Variants in ACTR3C observed in about 807,000 individuals in gnomAD.
ACTR3C encodes actin related protein 3C.
ACTR3C carries 18 observed loss-of-function variants against 26.3 expected under a neutral mutation model. That is an observed-to-expected ratio of 0.68 (90% CI 0.47 to 1.01). The LOEUF is 1.01. ACTR3C is among the 50% of genes least tolerant of loss of function. The pLI, the probability that ACTR3C is intolerant of heterozygous loss-of-function variation, is 0.00. For synonymous variants in ACTR3C, 55 were observed against 94.5 expected (o/e 0.58, Z 2.42); for missense variants, 184 against 250.7 (o/e 0.73, Z 1.80).
the ACTR3C span, among the ~76,000 whole-genome samples, chr7:150,092,411 G>A: frequency 6.6e-6 from 1 of 151,504 alleles, no homozygotes; most frequent in Non-Finnish European, 1.5e-5. Flanking sequence ...CCAGAGCTGA[G>A]AGCTGCCCAC....
At chr7:150,065,621 G>T in the ACTR3C span, among the ~76,000 whole-genome samples, 6 of 152,044 alleles carry the variant, frequency 3.9e-5, no homozygotes, top group African/African-American at 1.2e-4. Flanking sequence ...TAAAGAGGTT[G>T]CTGGGTTCAG....
chr7:150,098,805 G>A, the ACTR3C span, among the ~76,000 whole-genome samples: 3 of 151,730 alleles, frequency 2.0e-5, no homozygotes, highest in Non-Finnish European at 4.4e-5. Flanking sequence ...CCAGGAATGA[G>A]GAAACAATCG....
At chr7:150,314,581 T>A (rs1258946124) in intron 1 of ACTR3C, among the ~76,000 whole-genome samples, 1 of 151,998 alleles carries the variant, frequency 6.6e-6, no homozygotes, top group Non-Finnish European at 1.5e-5. Context: ...CTTTGAGGTG[T>A]TTTTTGTGGG....
At chr7:150,276,560 A>G (rs4015672) in intron 6 of ACTR3C, among the ~76,000 whole-genome samples, 2 of 152,262 alleles carry the variant, frequency 1.3e-5, no homozygotes, top group South Asian at 2.1e-4. Context: ...GATACCCAAC[A>G]GTGTCCTAGG....
the ACTR3C span, among the ~76,000 whole-genome samples, chr7:150,142,606 G>A: frequency 1.3e-5 from 2 of 152,082 alleles, no homozygotes; most frequent in Non-Finnish European, 2.9e-5. Flanking sequence ...TCAGCTCACT[G>A]CAACCTCCGC....
the ACTR3C span, among the ~76,000 whole-genome samples, chr7:149,995,641 A>T: frequency 6.6e-6 from 1 of 152,244 alleles, no homozygotes; most frequent in Non-Finnish European, 1.5e-5. Context: ...TCTGAACTGG[A>T]AATTACAGAG....
chr7:150,211,571 A>G, the ACTR3C span, among the ~76,000 whole-genome samples: 24,831 of 140,936 alleles, frequency 0.18, 3,901 homozygotes, highest in African/African-American at 0.39. Context: ...GTGAACCACC[A>G]TGCCCGGCCC....
chr7:149,951,400 C>A, the ACTR3C span, among the ~76,000 whole-genome samples: 2 of 147,594 alleles, frequency 1.4e-5, no homozygotes, highest in Admixed American at 1.3e-4. Flanking sequence ...TCAGCTTAAT[C>A]GGACTCACAG....
chr7:150,170,842 G>A, the ACTR3C span, among the ~76,000 whole-genome samples: 16 of 145,916 alleles, frequency 1.1e-4, 2 homozygotes, highest in African/African-American at 4.1e-4. Context: ...GTTAATATCA[G>A]ATAAAGTAGA....
the ACTR3C span, among the ~76,000 whole-genome samples, chr7:149,974,429 G>T: frequency 6.6e-6 from 1 of 151,980 alleles, no homozygotes; most frequent in Non-Finnish European, 1.5e-5. Flanking sequence ...CATATCACAG[G>T]TTTGTAGGCC....
chr7:149,999,007 C>T, the ACTR3C span, among the ~76,000 whole-genome samples: 1 of 150,358 alleles, frequency 6.7e-6, no homozygotes, highest in African/African-American at 2.4e-5. Context: ...ATAAGAGAGC[C>T]TGGACGTTGC....
the ACTR3C span, among the ~76,000 whole-genome samples, chr7:150,117,234 C>G: frequency 2.0e-5 from 3 of 152,200 alleles, no homozygotes; most frequent in African/African-American, 7.2e-5. Context: ...TGAGACAGAA[C>G]TGTTCACTCA....
the ACTR3C span, among the ~76,000 whole-genome samples, chr7:149,957,971 C>T: frequency 6.6e-6 from 1 of 152,118 alleles, no homozygotes; most frequent in Non-Finnish European, 1.5e-5. Context: ...GGTGTTTCTC[C>T]AGCAACCGAC....
the ACTR3C span, among the ~76,000 whole-genome samples, chr7:150,154,741 A>AT: frequency 6.6e-6 from 1 of 152,126 alleles, no homozygotes; most frequent in Non-Finnish European, 1.5e-5. Flanking sequence ...AAATTCTCGT[A>AT]TTTGGAAGCT....
chr7:149,972,468 C>T, the ACTR3C span, among the ~76,000 whole-genome samples: 1 of 152,326 alleles, frequency 6.6e-6, no homozygotes, highest in Non-Finnish European at 1.5e-5. Flanking sequence ...TGCTTCCTGT[C>T]CCTCTCTGCA....
At chr7:150,041,668 C>T in the ACTR3C span, among the ~76,000 whole-genome samples, 412 of 119,358 alleles carry the variant, frequency 3.5e-3, 13 homozygotes, top group African/African-American at 0.012. Context: ...TAGCAACAGC[C>T]GGGGGTGGAA....
At chr7:150,267,773 C>G (rs1445687839) in intron 6 of ACTR3C, among the ~76,000 whole-genome samples, 1 of 152,160 alleles carries the variant, frequency 6.6e-6, no homozygotes, top group Non-Finnish European at 1.5e-5. Flanking sequence ...TAAGAAGGGA[C>G]TCCTGTATAT....
At chr7:149,906,250 C>A in the ACTR3C span, among the ~76,000 whole-genome samples, 23 of 151,928 alleles carry the variant, frequency 1.5e-4, no homozygotes, top group East Asian at 3.7e-3. Flanking sequence ...CAACCAGAAA[C>A]TATCCACCAG....
the ACTR3C span, among the ~76,000 whole-genome samples, chr7:150,110,566 AGC>A: frequency 8.5e-5 from 3 of 35,400 alleles, no homozygotes; most frequent in African/African-American, 2.6e-4. Flanking sequence ...CTCTGGCTGG[AGC>A]AGGTGGGGCT....
Sources: allele counts gnomAD v4.1 joint callset (sites outside exome capture counted in the v4.1 genomes callset), GRCh38; gene constraint gnomAD v4.1.1; transcripts MANE v1.5; gene names NCBI Gene and HGNC (gene_info 2026-07-23, HGNC 2026-07-21).